CCDC69: variants seen among roughly 807,000 people sequenced by gnomAD.
CCDC69 encodes coiled-coil domain-containing protein 69.
A neutral mutation model predicts 40.3 loss-of-function variants in CCDC69; 38 were observed. The observed-to-expected ratio is 0.94, with a 90% CI of 0.73 to 1.24. The LOEUF is 1.24. Among genes scored for constraint, CCDC69 ranks in the 50% most tolerant of loss-of-function variants. The pLI is 0.00. For synonymous variants in CCDC69, 141 were observed against 138.9 expected, an observed-to-expected ratio of 1.02 and a Z score of -0.11; for missense variants, 389 against 357.9, an observed-to-expected ratio of 1.09 and a Z score of -0.70.
intron 1 of CCDC69, among the ~76,000 whole-genome samples, chr5:151,209,027 T>G (rs1216220762): frequency 1.3e-5 from 2 of 152,182 alleles, no homozygotes; most frequent in Admixed American, 1.3e-4. Flanking sequence ...GCCATAATGT[T>G]CAAATCAGCA....
rs992113548 is a variant in CCDC69 at position 151,216,833 on chromosome 5, G to C, written c.48+7090C>G. On this transcript the variant is annotated intron_variant, in intron 1 of 8. Coordinates refer to ENST00000355417, the MANE Select transcript of CCDC69 (RefSeq NM_015621.3). ...CCTGAAAGCCTCCCCCAGAGTCAAG[G>C]TACAGACAGAGAAATCAAGGCTGGG... is the stretch of plus-strand genomic sequence containing the variant. Among the ~76,000 whole-genome samples the C allele has an allele frequency of 8.5e-5, 13 of 152,308 alleles. No individual in the cohort carries two copies. The Middle Eastern group carries it at 0.01, about 120-fold the overall frequency.
chr5:151,191,941 G>T (rs1328977141), intron 4 of CCDC69, among the ~76,000 whole-genome samples: 1 of 151,590 alleles, frequency 6.6e-6, no homozygotes, highest in Non-Finnish European at 1.5e-5. Flanking sequence ...AAATTAGCTG[G>T]CTAGGTGTGG....
At chr5:151,208,029 T>C (rs1446115327) in intron 1 of CCDC69, among the ~76,000 whole-genome samples, 1 of 152,124 alleles carries the variant, frequency 6.6e-6, no homozygotes, top group Non-Finnish European at 1.5e-5. Flanking sequence ...AGTGGGCAAA[T>C]CATTTGCAGT....
At chr5:151,199,158 G>T in intron 3 of CCDC69, 74 bp from the exon 4 acceptor site, 1 of 1,250,106 alleles carries the variant, frequency 8.0e-7, no homozygotes, top group Non-Finnish European at 1.2e-6. Context: ...CCTCACCTGG[G>T]CCTACGTGGA....
At chr5:151,206,028 A>G (rs1219860405) in intron 1 of CCDC69, among the ~76,000 whole-genome samples, 3 of 152,060 alleles carry the variant, frequency 2.0e-5, no homozygotes, top group Admixed American at 6.5e-5. Flanking sequence ...CTCTAATTCA[A>G]TTCTGACACT....
chr5:151,217,015 T>C (rs1753054066), intron 1 of CCDC69, among the ~76,000 whole-genome samples: 1 of 152,046 alleles, frequency 6.6e-6, no homozygotes, highest in African/African-American at 2.4e-5. Context: ...CATTCTAATG[T>C]TCCATAGCAA....
chr5:151,221,928 A>G lies in CCDC69; in HGVS notation c.48+1995T>C, dbSNP rs59783630. ...GAGAAATTGGGCAGGAGCACAGCCTACAGGGATGAGAACTTTAAACAAAAA... is the reference window on the plus strand; with the variant it reads ...GAGAAATTGGGCAGGAGCACAGCCTGCAGGGATGAGAACTTTAAACAAAAA... On this transcript the variant is annotated intron_variant, in intron 1 of 8. Transcript: ENST00000355417. Among the ~76,000 whole-genome samples the G allele has an allele frequency of 4.2e-3, 639 of 152,374 alleles. 3 individuals carry two copies. Among genetic ancestry groups the G allele is most frequent in the African/African-American group, 0.014 (588 of 41,594 alleles).
At chr5:151,193,541 CAGGAG>C (rs1405522361) in intron 4 of CCDC69, among the ~76,000 whole-genome samples, 1 of 148,992 alleles carries the variant, frequency 6.7e-6, no homozygotes, top group Non-Finnish European at 1.5e-5. Flanking sequence ...AAAAAGAAGA[CAGGAG>C]AGGAGAGGAG....
At chr5:151,197,386 G>A (rs1752714322) in intron 4 of CCDC69, among the ~76,000 whole-genome samples, 1 of 152,238 alleles carries the variant, frequency 6.6e-6, no homozygotes, top group African/African-American at 2.4e-5. Context: ...AAAATTAGCT[G>A]GGCATGGTGG....
chr5:151,185,950 G>A, intron 6 of CCDC69, 73 bp downstream of exon 6: 1 of 982,478 alleles, frequency 1.0e-6, no homozygotes, highest in Non-Finnish European at 1.7e-6. Flanking sequence ...AGAGGGGCTG[G>A]TCTTTCCTGT....
intron 5 of CCDC69, 63 bp from the exon 6 acceptor site, chr5:151,186,187 C>T (rs1019612372): frequency 6.2e-6 from 7 of 1,120,578 alleles, no homozygotes; most frequent in Admixed American, 3.4e-5. Context: ...AGGTGAACTT[C>T]GCCACATCCC....
chr5:151,191,372 T>C (rs1375347762), intron 4 of CCDC69, among the ~76,000 whole-genome samples: 1 of 152,218 alleles, frequency 6.6e-6, no homozygotes, highest in African/African-American at 2.4e-5. Flanking sequence ...AACCAAACTT[T>C]ATCTAATTGA....
At chr5:151,210,435 T>C (rs1256768105) in intron 1 of CCDC69, among the ~76,000 whole-genome samples, 36 of 152,010 alleles carry the variant, frequency 2.4e-4, no homozygotes, top group Non-Finnish European at 1.5e-5. Context: ...CCCCAGCTAC[T>C]TGGGAAGCTG....
intron 2 of CCDC69, 30 bp downstream of exon 2, chr5:151,205,370 G>A: frequency 6.4e-7 from 1 of 1,559,802 alleles, no homozygotes; most frequent in Non-Finnish European, 8.8e-7. Context: ...ACAGATGGCA[G>A]TTGGGGCCTT....
chr5:151,189,579 T>C (rs1390684230), intron 4 of CCDC69, among the ~76,000 whole-genome samples: 1 of 147,972 alleles, frequency 6.8e-6, no homozygotes, highest in Non-Finnish European at 1.5e-5. Context: ...AAAAAAAAAA[T>C]TGAAGAAAGA....
chr5:151,192,083 T>C (rs1752620141), intron 4 of CCDC69, among the ~76,000 whole-genome samples: 1 of 41,012 alleles, frequency 2.4e-5, no homozygotes, highest in Admixed American at 4.4e-4. Context: ...AAACCCTGTC[T>C]CAGGAAAAAA....
At chr5:151,212,664 C>T in intron 1 of CCDC69, 1 of 403,852 alleles carries the variant, frequency 2.5e-6, no homozygotes, top group Non-Finnish European at 5.0e-6. Flanking sequence ...TAGGAGGTGG[C>T]TCAAAACCAA....
At chr5:151,188,230 C>T (rs192779898) in intron 4 of CCDC69, among the ~76,000 whole-genome samples, 15 of 152,172 alleles carry the variant, frequency 9.9e-5, no homozygotes, top group Admixed American at 2.6e-4. Flanking sequence ...TGACAATCAA[C>T]GGGCAGAATG....
chr5:151,191,160 T>C (rs946999752), intron 4 of CCDC69, among the ~76,000 whole-genome samples: 5 of 150,204 alleles, frequency 3.3e-5, no homozygotes, highest in African/African-American at 1.2e-4. Flanking sequence ...TGTAAATAGA[T>C]GTTATAGGTA....
Sources: allele counts gnomAD v4.1 joint callset (sites outside exome capture counted in the v4.1 genomes callset), GRCh38; gene constraint gnomAD v4.1.1; transcripts MANE v1.5; gene names NCBI Gene and HGNC (gene_info 2026-07-23, HGNC 2026-07-21).